Variants in THAP9 observed in about 807,000 individuals in gnomAD.
The protein encoded by THAP9 is DNA transposase THAP9.
THAP9 carries 20 observed loss-of-function variants against 35.7 expected under a neutral mutation model. That is an observed-to-expected ratio of 0.56 (90% CI 0.39 to 0.81). The LOEUF (loss-of-function observed/expected upper bound fraction) is 0.81, where lower values mean the gene tolerates loss of function less well. Ranked by LOEUF, THAP9 falls within the 40% of genes least tolerant of loss-of-function variation. The pLI, the probability that THAP9 is intolerant of heterozygous loss-of-function variation, is 0.00. For missense variants in THAP9, 870 were observed against 1,047.4 expected (o/e 0.83, Z 2.34); for synonymous variants, 335 against 373.7 (o/e 0.90, Z 1.19).
chr4:82,918,307 T>G lies in THAP9; in HGVS notation c.2095T>G (p.Cys699Gly). ...GGGTATTTGTCAAGACTGGTCTCAT[T>G]GTTCACTAAGTGAGGCATTACTAGA... ...EEGICQDWSH[C>G]SLSEALLDLS... Residue 699 changes from cysteine (C) to glycine (G), a missense_variant, in exon 5 of 5, where the codon TGT (cysteine) becomes GGT (glycine). Coordinates refer to ENST00000302236, the MANE Select transcript of THAP9 (RefSeq NM_024672.6). 1 of 1,614,172 alleles carries G rather than the reference T, an allele frequency of 6.2e-7. No homozygotes were observed. Among genetic ancestry groups the G allele is most frequent in the Non-Finnish European group, 8.5e-7 (1 of 1,179,990 alleles).
chr4:82,911,434 AT>A (rs1324452085), intron 4 of THAP9, among the ~76,000 whole-genome samples: 5 of 152,140 alleles, frequency 3.3e-5, no homozygotes, highest in African/African-American at 1.2e-4. Context: ...TACTAAAAAA[AT>A]AAAAAAAAAT....
chr4:82,912,781 A>G lies in THAP9; in HGVS notation c.732-4163A>G, dbSNP rs112390884. ...TAAGGGTGCACATGCGTGCATATAC[A>G]CATTGTGGTACTGTTATCTAAAAAT... On this transcript the variant is annotated intron_variant, in intron 4 of 4. Transcript: ENST00000302236. Among the ~76,000 whole-genome samples the G allele has an allele frequency of 5.0e-3, 757 of 152,342 alleles. 16 individuals are homozygous for G. The highest frequency in any genetic ancestry group is 0.017 in the African/African-American group (721 of 41,584).
rs776757749 is a variant in THAP9, at chr4:82,918,019, C to T, written c.1807C>T (p.Leu603=). 55 of 1,613,886 alleles carry T rather than the reference C, an allele frequency of 3.4e-5. No homozygotes were observed. Among genetic ancestry groups the T allele is most frequent in the Non-Finnish European group, 4.6e-5 (54 of 1,179,978 alleles). Residue 603 remains leucine, a synonymous_variant, in exon 5 of 5, where the codon CTG becomes TTG. Transcript: ENST00000302236. Reference sequence around the variant, plus strand: ...AAAGGTCATGCCTTTTCCTTATCTTCTGACTTACAAATTCAGTCATGATCA... The same window carrying T: ...AAAGGTCATGCCTTTTCCTTATCTTTTGACTTACAAATTCAGTCATGATCA... ...FPKVMPFPYL[L]TYKFSHDHLE...
At chr4:82,905,584 G>A (rs1409042045) in intron 2 of THAP9, among the ~76,000 whole-genome samples, 1 of 151,994 alleles carries the variant, frequency 6.6e-6, no homozygotes, top group Non-Finnish European at 1.5e-5. Flanking sequence ...TCCCCTATTC[G>A]GAAGTATTTA....
chr4:82,903,138 C>T (rs1468462062), intron 1 of THAP9, among the ~76,000 whole-genome samples: 3 of 152,138 alleles, frequency 2.0e-5, no homozygotes, highest in Non-Finnish European at 4.4e-5. Context: ...GCATAGTTAC[C>T]TATAAGTCTG....
chr4:82,911,879 T>A (rs1409664591), intron 4 of THAP9, among the ~76,000 whole-genome samples: 1 of 152,210 alleles, frequency 6.6e-6, no homozygotes, highest in African/African-American at 2.4e-5. Flanking sequence ...TGGTCAAAAC[T>A]GTTGTCTTTC....
intron 2 of THAP9, 145 bp from the exon 3 acceptor site, chr4:82,906,179 T>C (rs1189882442): frequency 1.5e-6 from 1 of 667,050 alleles, no homozygotes; most frequent in Non-Finnish European, 2.4e-6. Context: ...AACTATACAT[T>C]AAAACATTCA....
chr4:82,917,010 A>G lies in THAP9; in HGVS notation c.798A>G (p.Arg266=). 1 of 1,573,596 alleles carries G rather than the reference A, an allele frequency of 6.4e-7. No individual in the cohort carries two copies. Among genetic ancestry groups the G allele is most frequent in the Non-Finnish European group, 8.6e-7 (1 of 1,162,668 alleles). The change falls in exon 5 of 5, where the codon AGA becomes AGG. Residue 266 remains arginine (R), a synonymous_variant. Coordinates refer to ENST00000302236, the MANE Select transcript of THAP9 (RefSeq NM_024672.6). ...NSNIFSFLQR[R]VENGDQLYQY... ...ACATTTTTTCTTTTCTTCAACGAAG[A>G]GTAGAGAATGGAGATCAGCTCTATC...
intron 4 of THAP9, chr4:82,910,628 GTTATC>G (rs1720834499): frequency 7.0e-6 from 3 of 426,826 alleles, no homozygotes. Context: ...TTTTAACACA[GTTATC>G]TTAAGTATTA....
rs749695282 is a variant in THAP9 at position 82,917,545 on chromosome 4, G to A, written c.1333G>A (p.Val445Met). ...TGGTATAGCACATTGGCAGCACCTC[G>A]TGGAGTTAGTAGCACTGGAGGAACA... ...INGIAHWQHL[V>M]ELVALEEQEL... Residue 445 changes from valine (V) to methionine (M), a missense_variant, in exon 5 of 5, where the codon GTG becomes ATG. Val to Met is a conservative substitution (Grantham distance 21). Coordinates refer to ENST00000302236, the MANE Select transcript of THAP9 (RefSeq NM_024672.6). 7.7e-5 allele frequency: 125 copies of A among 1,613,638 alleles called. No individual in the cohort carries two copies. Among genetic ancestry groups the A allele is most frequent in the Non-Finnish European group, 9.7e-5 (114 of 1,179,732 alleles).
In THAP9 at chr4:82,918,928, A is replaced by G; in HGVS notation, c.*4A>G. 1 of 1,548,902 alleles carries G rather than the reference A, an allele frequency of 6.5e-7. No homozygotes were observed. Among genetic ancestry groups the G allele is most frequent in the Non-Finnish European group, 8.7e-7 (1 of 1,148,662 alleles). ...CGATGGATATCCATTCAAATGAGAG[A>G]CCTAAAATATATTAACATTTTAATT... On this transcript the variant is annotated 3_prime_UTR_variant, in exon 5 of 5. Coordinates refer to ENST00000302236, the MANE Select transcript of THAP9 (RefSeq NM_024672.6).
intron 1 of THAP9, 77 bp downstream of exon 1, chr4:82,900,959 C>A (rs1052476509): frequency 3.9e-6 from 6 of 1,540,436 alleles, no homozygotes; most frequent in East Asian, 2.3e-5. Flanking sequence ...TGGGGCGGGG[C>A]CGGGCCGCAC....
rs1293219722 is a variant in THAP9 at position 82,919,259 on chromosome 4, CA to C, written c.*337del. On this transcript the variant is annotated 3_prime_UTR_variant, in exon 5 of 5. Coordinates refer to ENST00000302236, the MANE Select transcript of THAP9 (RefSeq NM_024672.6). ...TCTGCTTCAAAAACAAGAAAAACAA[CA>C]ACTATGAGTTATCAAAATATTGACT... 2 of 172,276 alleles carry C rather than the reference CA, an allele frequency of 1.2e-5. No individual in the cohort carries two copies. Among genetic ancestry groups the C allele is most frequent in the African/African-American group, 4.8e-5 (2 of 42,082 alleles). 10.7% of individuals were successfully genotyped at this position (172,276 alleles called of 1,614,324 possible). A position where few individuals can be genotyped will look rare whatever the true frequency, so the allele number is the denominator to read the frequency against.
At chr4:82,901,730 T>C (rs930419600) in intron 1 of THAP9, among the ~76,000 whole-genome samples, 6 of 151,860 alleles carry the variant, frequency 4.0e-5, no homozygotes, top group Non-Finnish European at 8.8e-5. Flanking sequence ...TTTTTTGTTT[T>C]CTATTTTTTA....
chr4:82,900,926 G>A, intron 1 of THAP9, 44 bp downstream of exon 1: 1 of 1,606,526 alleles, frequency 6.2e-7, no homozygotes. Context: ...TCCCTGCGGG[G>A]CCCGGCGGGC....
Position 82,906,473 on chromosome 4 carries a change from G to A in THAP9, c.426G>A (p.Val142=). The change falls in exon 3 of 5, where the codon GTG becomes GTA. Residue 142 remains valine (V), a synonymous_variant. Coordinates refer to ENST00000302236, the MANE Select transcript of THAP9 (RefSeq NM_024672.6). The part of the protein sequence containing the change: ...LTIGAEKLAE[V]QQMLQVSKKR... ...TAGGTGCAGAGAAACTGGCTGAGGT[G>A]CAACAAATGTTACAAGTGTCCAAAA... 6.2e-7 allele frequency: 1 copy of A among 1,613,770 alleles called. No individual in the cohort carries two copies. Among genetic ancestry groups the A allele is most frequent in the South Asian group, 1.1e-5 (1 of 91,056 alleles).
rs117406902 is a variant in THAP9, at chr4:82,904,429, T to C, written c.81-307T>C. ...TCACTACAGGAAAGGAAAAGATGCA[T>C]ATATTCTTTAACCATTTAAATTTGA... is the stretch of plus-strand genomic sequence containing the variant. On this transcript the variant is annotated intron_variant, in intron 1 of 4. Transcript: ENST00000302236. Among the ~76,000 whole-genome samples the C allele has an allele frequency of 3.5e-4, 54 of 152,308 alleles. 1 individual carries two copies. The East Asian group carries it at 8.3e-3, about 23-fold the overall frequency.
chr4:82,904,624 G>C, intron 1 of THAP9, 112 bp from the exon 2 acceptor site: 2 of 954,740 alleles, frequency 2.1e-6, no homozygotes, highest in Non-Finnish European at 3.0e-6. Context: ...AATTCACTTG[G>C]CTTTATGTTT....
At position 82,906,310 on chromosome 4, in the gene THAP9, T is replaced by C; in HGVS notation, c.277-14T>C. ...TATTTCTAAAATAACTTTAATTTTATATATCTGTCATAGATTCCTCAAGGT... is the reference window on the plus strand; with the variant it reads ...TATTTCTAAAATAACTTTAATTTTACATATCTGTCATAGATTCCTCAAGGT... On this transcript the variant is annotated splice_polypyrimidine_tract_variant and intron_variant, in intron 2 of 4. Coordinates refer to ENST00000302236, the MANE Select transcript of THAP9 (RefSeq NM_024672.6). The C allele has an allele frequency of 6.5e-7, 1 of 1,534,824 alleles. No individual in the cohort carries two copies. Among genetic ancestry groups the C allele is most frequent in the Non-Finnish European group, 8.8e-7 (1 of 1,141,110 alleles).
Sources: allele counts gnomAD v4.1 joint callset (sites outside exome capture counted in the v4.1 genomes callset), GRCh38; gene constraint gnomAD v4.1.1; transcripts MANE v1.5; gene names NCBI Gene and HGNC (gene_info 2026-07-23, HGNC 2026-07-21).